Variants in P4HA1 observed in about 807,000 individuals in gnomAD.
The protein encoded by P4HA1 is prolyl 4-hydroxylase subunit alpha 1.
A neutral mutation model predicts 72.8 loss-of-function variants in P4HA1; 24 were observed. That is an observed-to-expected ratio of 0.33 (90% confidence interval 0.24 to 0.46). The LOEUF (loss-of-function observed/expected upper bound fraction) is 0.46. P4HA1 is among the 20% of genes least tolerant of loss of function. The pLI is 1.00. For synonymous variants in P4HA1, 201 were observed against 218.8 expected, an observed-to-expected ratio of 0.92 and a Z score of 0.72; for missense variants, 446 against 640.6, an observed-to-expected ratio of 0.70 and a Z score of 3.28.
intron 10 of P4HA1, among the ~76,000 whole-genome samples, chr10:73,028,537 T>G (rs1391539385): frequency 1.3e-5 from 2 of 152,086 alleles, no homozygotes; most frequent in African/African-American, 2.4e-5. Flanking sequence ...GTTCAAGCAA[T>G]TCTCCTACCT....
chr10:73,037,572 T>TATATATATATATA (rs1491362964), intron 9 of P4HA1, among the ~76,000 whole-genome samples: 3 of 15,384 alleles, frequency 2.0e-4, no homozygotes, highest in African/African-American at 5.7e-4. Context: ...TATATATATA[T>TATATATATATATA]TTTTTTTTTT....
At position 73,037,525 on chromosome 10, in the gene P4HA1, CTATATATATATATATATATATATATA is replaced by C. The variant is rs869107512; in HGVS notation, c.1149-7181_1149-7156del. Reference sequence around the variant, plus strand: ...TCTATGATTAGCTAATCGAAAACCACTATATATATATATATATATATATATATATATATATATATATATATATTTTT... The same window carrying C: ...TCTATGATTAGCTAATCGAAAACCACTATATATATATATATATATATTTTT... On this transcript the variant is annotated intron_variant, in intron 9 of 14. Coordinates refer to ENST00000394890, the MANE Select transcript of P4HA1 (RefSeq NM_001017962.3). Among the ~76,000 whole-genome samples, 51 of 34,304 alleles carry C rather than the reference CTATATATATATATATATATATATATA, an allele frequency of 1.5e-3. 2 individuals are homozygous for C. Among genetic ancestry groups the C allele is most frequent in the African/African-American group, 5.2e-3 (43 of 8,304 alleles). 22.5% of individuals were successfully genotyped at this position (34,304 alleles called of 152,430 possible). A position where few individuals can be genotyped will look rare whatever the true frequency, so the allele number is the denominator to read the frequency against.
chr10:73,007,265 C>G lies in P4HA1; in HGVS notation c.*957G>C, dbSNP rs1292370753. 6.6e-6 allele frequency: 1 copy of G among 151,534 alleles called. No homozygotes were observed. The highest frequency in any genetic ancestry group is 1.5e-5 in the Non-Finnish European group (1 of 67,996). 9.4% of individuals were successfully genotyped at this position (151,534 alleles called of 1,614,324 possible). ...CATAAATAGGTCATTGTTGTCACAA[C>G]ACATTTCAGAATCTTAAAAAAACAA... On this transcript the variant is annotated 3_prime_UTR_variant, in exon 15 of 15. Transcript: ENST00000394890.
At chr10:73,047,962 G>A (rs1840913337) in intron 7 of P4HA1, among the ~76,000 whole-genome samples, 1 of 152,128 alleles carries the variant, frequency 6.6e-6, no homozygotes, top group Non-Finnish European at 1.5e-5. Flanking sequence ...TGAAATGGGA[G>A]GACTGCTTAA....
chr10:73,065,292 G>A (rs1589614619), intron 5 of P4HA1: 1 of 152,004 alleles, frequency 6.6e-6, no homozygotes, highest in African/African-American at 2.4e-5. Flanking sequence ...ATCAGGGTTG[G>A]GAACAAACAA....
At chr10:73,068,416 T>C (rs1841475280) in intron 5 of P4HA1, among the ~76,000 whole-genome samples, 1 of 152,202 alleles carries the variant, frequency 6.6e-6, no homozygotes, top group Non-Finnish European at 1.5e-5. Flanking sequence ...AAGTAGGATG[T>C]TCCATACTAT....
At chr10:73,067,420 G>A (rs931305430) in intron 5 of P4HA1, among the ~76,000 whole-genome samples, 2 of 151,946 alleles carry the variant, frequency 1.3e-5, no homozygotes, top group African/African-American at 4.8e-5. Flanking sequence ...TAATAGCTCC[G>A]CACTGCACTC....
intron 5 of P4HA1, among the ~76,000 whole-genome samples, chr10:73,058,412 C>G (rs1323167118): frequency 6.6e-6 from 1 of 152,166 alleles, no homozygotes; most frequent in Non-Finnish European, 1.5e-5. Context: ...AGCAAAGCAA[C>G]CTTGATGTTA....
At chr10:73,009,992 A>C in intron 13 of P4HA1, 89 bp from the exon 14 acceptor site, 1 of 703,818 alleles carries the variant, frequency 1.4e-6, no homozygotes, top group Non-Finnish European at 2.5e-6. Context: ...TTTTTGAGAC[A>C]GAGTCTTGCT....
intron 5 of P4HA1, among the ~76,000 whole-genome samples, chr10:73,058,088 C>CAG (rs1841197125): frequency 3.9e-5 from 2 of 51,540 alleles, no homozygotes; most frequent in African/African-American, 1.7e-4. Context: ...AGACTCCGTC[C>CAG]AGAAAAAAAA....
In P4HA1 at chr10:73,059,424, TAAAAAAAAAAAAAAAAA is replaced by T. The variant is rs920360586; in HGVS notation, c.464-5851_464-5835del. ...GGGCAAAATAATGAGACAATATATT[TAAAAAAAAAAAAAAAAA>T]AAAAAAAAAAAAAAAAAAAAGGCTG... is the stretch of plus-strand genomic sequence containing the variant. On this transcript the variant is annotated intron_variant, in intron 5 of 14. Coordinates refer to ENST00000394890, the MANE Select transcript of P4HA1 (RefSeq NM_001017962.3). Among the ~76,000 whole-genome samples, 45 of 24,182 alleles carry T rather than the reference TAAAAAAAAAAAAAAAAA, an allele frequency of 1.9e-3. 1 individual carries two copies. The highest frequency in any genetic ancestry group is 2.5e-3 in the Admixed American group (5 of 2,014). The allele number at this position is 24,182 out of a possible 152,430, so 15.9% of individuals were successfully genotyped here. A position where few individuals can be genotyped will look rare whatever the true frequency, so the allele number is the denominator to read the frequency against.
chr10:73,024,947 A>G (rs193229567), intron 10 of P4HA1, among the ~76,000 whole-genome samples: 377 of 152,346 alleles, frequency 2.5e-3, no homozygotes, highest in African/African-American at 8.6e-3. Flanking sequence ...GAAGAAGTTG[A>G]ATCTCTGAAT....
intron 6 of P4HA1, among the ~76,000 whole-genome samples, chr10:73,052,652 A>G (rs1028784587): frequency 6.6e-6 from 1 of 152,228 alleles, no homozygotes; most frequent in African/African-American, 2.4e-5. Flanking sequence ...CAGCAGATCA[A>G]TCCTTTTGAG....
At chr10:73,046,324 C>A (rs1840862972) in intron 8 of P4HA1, among the ~76,000 whole-genome samples, 1 of 152,110 alleles carries the variant, frequency 6.6e-6, no homozygotes, top group African/African-American at 2.4e-5. Flanking sequence ...GGGGAAAAGG[C>A]AAGAGCATAA....
At chr10:73,037,882 TTATA>T (rs1423675096) in intron 9 of P4HA1, among the ~76,000 whole-genome samples, 1 of 151,972 alleles carries the variant, frequency 6.6e-6, no homozygotes, top group Non-Finnish European at 1.5e-5. Flanking sequence ...TTGTATTTGT[TTATA>T]TATATTATAC....
At chr10:73,061,699 A>G (rs1841317949) in intron 5 of P4HA1, among the ~76,000 whole-genome samples, 1 of 152,164 alleles carries the variant, frequency 6.6e-6, no homozygotes. Flanking sequence ...CCAAGAGTTC[A>G]AGGCTGCAGT....
Position 73,058,774 on chromosome 10 carries a change from C to CTTTTT in P4HA1, c.464-5189_464-5185dup, listed in dbSNP as rs151028824. Among the ~76,000 whole-genome samples the CTTTTT allele has an allele frequency of 7.8e-3, 970 of 123,772 alleles. 50 individuals are homozygous for CTTTTT. The highest frequency in any genetic ancestry group is 0.029 in the African/African-American group (909 of 31,202). The allele number at this position is 123,772 out of a possible 152,430, so 81.2% of individuals were successfully genotyped here. On this transcript the variant is annotated intron_variant, in intron 5 of 14. Transcript: ENST00000394890. ...AGTACATAACAGTATTTATAGTATGCTTTTTTTTTTTTTTTTTTTTGAGAC... is the reference window on the plus strand; with the variant it reads ...AGTACATAACAGTATTTATAGTATGCTTTTTTTTTTTTTTTTTTTTTTTTTGAGAC...
intron 10 of P4HA1, among the ~76,000 whole-genome samples, chr10:73,029,211 A>C (rs888408984): frequency 9.2e-5 from 14 of 152,054 alleles, no homozygotes; most frequent in African/African-American, 3.4e-4. Context: ...CAGGAGTTCA[A>C]GAGCAGCCTG....
At chr10:73,079,514 GA>G (rs1841777689) in intron 1 of P4HA1, among the ~76,000 whole-genome samples, 1 of 152,208 alleles carries the variant, frequency 6.6e-6, no homozygotes, top group Admixed American at 6.5e-5. Flanking sequence ...GGCCAAGGTG[GA>G]TGGATCACCT....
Sources: allele counts gnomAD v4.1 joint callset (sites outside exome capture counted in the v4.1 genomes callset), GRCh38; gene constraint gnomAD v4.1.1; transcripts MANE v1.5; gene names NCBI Gene and HGNC (gene_info 2026-07-23, HGNC 2026-07-21).